Variants in CYBRD1 observed in about 807,000 individuals in gnomAD.
CYBRD1 encodes the protein plasma membrane ascorbate-dependent reductase CYBRD1.
CYBRD1 carries 14 observed loss-of-function variants against 21.9 expected under a neutral mutation model. The ratio of observed to expected loss-of-function variants is 0.64; its 90% CI spans 0.42 to 1.00. The LOEUF is 1.00. CYBRD1 is among the 50% of genes least tolerant of loss of function. The pLI, the probability that CYBRD1 is intolerant of heterozygous loss-of-function variation, is 0.00. For synonymous variants in CYBRD1, 146 were observed against 136.5 expected, an observed-to-expected ratio of 1.07 and a Z score of -0.48; for missense variants, 328 against 352.5, an observed-to-expected ratio of 0.93 and a Z score of 0.56.
chr2:171,526,754 A>G (rs925452500), intron 1 of CYBRD1, among the ~76,000 whole-genome samples: 1 of 152,232 alleles, frequency 6.6e-6, no homozygotes, highest in Admixed American at 6.5e-5. Flanking sequence ...TAAAAGGTTC[A>G]GCAAGGTGGA....
chr2:171,543,859 T>C lies in CYBRD1; in HGVS notation c.402+2066T>C, dbSNP rs539345846. 2.6e-5 allele frequency among the ~76,000 whole-genome samples: 4 copies of C among 152,328 alleles called. No homozygotes were observed. In the East Asian group the frequency reaches 7.7e-4, roughly 29 times the overall value. On this transcript the variant is annotated intron_variant, in intron 2 of 3. Transcript: ENST00000321348. ...TAAATATGCCACAAATTTACTTACC[T>C]GTTCTCTTGCTATTTTCAGTTAGAA...
At chr2:171,542,244 A>G (rs947969264) in intron 2 of CYBRD1, among the ~76,000 whole-genome samples, 2 of 152,172 alleles carry the variant, frequency 1.3e-5, no homozygotes, top group Admixed American at 6.5e-5. Flanking sequence ...GAATTGCAGA[A>G]TTCACAGAAC....
At chr2:171,524,087 A>AGCTTT (rs1697350480) in intron 1 of CYBRD1, among the ~76,000 whole-genome samples, 1 of 152,172 alleles carries the variant, frequency 6.6e-6, no homozygotes, top group Admixed American at 6.5e-5. Context: ...TTAAACTTGT[A>AGCTTT]CTGCAGCTTT....
At chr2:171,541,342 G>A (rs1266676429) in intron 1 of CYBRD1, among the ~76,000 whole-genome samples, 4 of 152,080 alleles carry the variant, frequency 2.6e-5, no homozygotes, top group South Asian at 4.2e-4. Flanking sequence ...CCCTAGGACC[G>A]AGCCTGAGAG....
chr2:171,534,407 A>G (rs1697517113), intron 1 of CYBRD1, among the ~76,000 whole-genome samples: 1 of 152,218 alleles, frequency 6.6e-6, no homozygotes, highest in Non-Finnish European at 1.5e-5. Flanking sequence ...TCCGCTCTCC[A>G]GGCAGTTTTT....
chr2:171,532,875 A>ATGTGTGTGTGTGTG (rs10618404), intron 1 of CYBRD1, among the ~76,000 whole-genome samples: 3 of 147,404 alleles, frequency 2.0e-5, no homozygotes, highest in East Asian at 2.0e-4. Flanking sequence ...CCATTTCACG[A>ATGTGTGTGTGTGTG]TGTGTGTGTG....
At chr2:171,546,859 G>C (rs17554) in intron 2 of CYBRD1, among the ~76,000 whole-genome samples, 1 of 151,866 alleles carries the variant, frequency 6.6e-6, no homozygotes, top group African/African-American at 2.4e-5. Flanking sequence ...TGGTATTTGA[G>C]GAGTAGGGAG....
In CYBRD1 at chr2:171,554,985, T is replaced by C; in HGVS notation, c.*158T>C. On this transcript the variant is annotated 3_prime_UTR_variant, in exon 4 of 4. Coordinates refer to ENST00000321348, the MANE Select transcript of CYBRD1 (RefSeq NM_024843.4). Reference sequence around the variant, plus strand: ...GAAATAATTTGTATTGATTGAGGCCTATGAACTGACCTGAATTGGAAAGGA... The same window carrying C: ...GAAATAATTTGTATTGATTGAGGCCCATGAACTGACCTGAATTGGAAAGGA... The C allele has an allele frequency of 1.3e-5, 10 of 769,364 alleles. No individual in the cohort carries two copies. Among genetic ancestry groups the C allele is most frequent in the Non-Finnish European group, 2.1e-5 (10 of 472,606 alleles). The allele number at this position is 769,364 out of a possible 1,614,324, so 47.7% of individuals were successfully genotyped here.
chr2:171,549,777 T>G (rs1343296221), intron 2 of CYBRD1, among the ~76,000 whole-genome samples: 1 of 152,250 alleles, frequency 6.6e-6, no homozygotes, highest in Non-Finnish European at 1.5e-5. Context: ...CCTTAGCTCT[T>G]AAGAACTTCC....
intron 1 of CYBRD1, among the ~76,000 whole-genome samples, chr2:171,524,678 G>A (rs1697358965): frequency 6.6e-6 from 1 of 152,172 alleles, no homozygotes; most frequent in South Asian, 2.1e-4. Flanking sequence ...TCTTTTCAGT[G>A]ACCTTATCGT....
chr2:171,547,286 C>A (rs902496119), intron 2 of CYBRD1, among the ~76,000 whole-genome samples: 1 of 151,996 alleles, frequency 6.6e-6, no homozygotes, highest in African/African-American at 2.4e-5. Flanking sequence ...TGGCTTCCTT[C>A]CTAGGAGCCA....
Position 171,540,065 on chromosome 2 carries a change from G to A in CYBRD1, c.194-1520G>A, listed in dbSNP as rs190094678. Among the ~76,000 whole-genome samples the A allele has an allele frequency of 1.7e-3, 263 of 152,248 alleles. 4 individuals carry two copies. Among genetic ancestry groups the A allele is most frequent in the South Asian group, 0.013 (64 of 4,820 alleles). On this transcript the variant is annotated intron_variant, in intron 1 of 3. Transcript: ENST00000321348. ...TTAATTGGAGTTTGTTCTACATGCA[G>A]AATGATGAATCTTCTGTCTATGACA...
rs372829045 is a variant in CYBRD1 at position 171,531,622 on chromosome 2, A to T, written c.193+8884A>T. Among the ~76,000 whole-genome samples, 54 of 152,052 alleles carry T rather than the reference A, an allele frequency of 3.6e-4. 1 individual carries two copies. In the East Asian group the frequency reaches 8.0e-3, roughly 22 times the overall value. On this transcript the variant is annotated intron_variant, in intron 1 of 3. Transcript: ENST00000321348. ...CCGCACCGTCCCAGCTCAAATTATGATGGGGTTTTTTGTTGTTTTGTTTAG... is the reference window on the plus strand; with the variant it reads ...CCGCACCGTCCCAGCTCAAATTATGTTGGGGTTTTTTGTTGTTTTGTTTAG...
intron 1 of CYBRD1, among the ~76,000 whole-genome samples, chr2:171,523,600 C>T (rs1697343718): frequency 6.6e-6 from 1 of 152,320 alleles, no homozygotes; most frequent in Non-Finnish European, 1.5e-5. Flanking sequence ...GCTCGGGATG[C>T]CCCCGGCGCA....
rs76652088 is a variant in CYBRD1, at chr2:171,545,995, G to T, written c.402+4202G>T. 4.8e-3 allele frequency among the ~76,000 whole-genome samples: 728 copies of T among 152,104 alleles called. 13 individuals carry two copies. The highest frequency in any genetic ancestry group is 0.015 in the African/African-American group (639 of 41,478). Reference sequence around the variant, plus strand: ...ACTTGGGTGAGTTAAAAACATATTTGTCTCAAAATTCTCTTTTGCTGTCTG... The same window carrying T: ...ACTTGGGTGAGTTAAAAACATATTTTTCTCAAAATTCTCTTTTGCTGTCTG... On this transcript the variant is annotated intron_variant, in intron 2 of 3. Transcript: ENST00000321348.
At chr2:171,544,164 T>C (rs573759405) in intron 2 of CYBRD1, among the ~76,000 whole-genome samples, 6 of 152,360 alleles carry the variant, frequency 3.9e-5, no homozygotes, top group African/African-American at 1.4e-4. Flanking sequence ...TTGTGTTTTA[T>C]CTTCTAAGAC....
At chr2:171,524,587 T>C (rs1697357468) in intron 1 of CYBRD1, among the ~76,000 whole-genome samples, 1 of 152,208 alleles carries the variant, frequency 6.6e-6, no homozygotes, top group Admixed American at 6.5e-5. Flanking sequence ...GTCCACTAAG[T>C]GCATTATGTC....
intron 2 of CYBRD1, among the ~76,000 whole-genome samples, chr2:171,545,773 G>A (rs889331252): frequency 2.0e-5 from 3 of 151,934 alleles, no homozygotes; most frequent in Non-Finnish European, 4.4e-5. Flanking sequence ...AGTATACAAT[G>A]GGTAATGAAC....
In CYBRD1 at chr2:171,555,404, T is replaced by A. The variant is rs1414980222; in HGVS notation, c.*577T>A. The A allele has an allele frequency of 4.4e-5, 7 of 158,280 alleles. No homozygotes were observed. Among genetic ancestry groups the A allele is most frequent in the Non-Finnish European group, 9.7e-5 (7 of 72,004 alleles). The allele number at this position is 158,280 out of a possible 1,614,324, so 9.8% of individuals were successfully genotyped here. A position where few individuals can be genotyped will look rare whatever the true frequency, so the allele number is the denominator to read the frequency against. On this transcript the variant is annotated 3_prime_UTR_variant, in exon 4 of 4. Coordinates refer to ENST00000321348, the MANE Select transcript of CYBRD1 (RefSeq NM_024843.4). ...CCCCAGCTGGTTTGGGCTCAAATTG[T>A]CCCTGGAGACTAGGGTTTATGTTAG...
Sources: gnomAD v4.1 joint callset for allele counts (sites outside exome capture counted in the v4.1 genomes callset) on GRCh38, gnomAD v4.1.1 for gene constraint, MANE v1.5 for transcripts, NCBI Gene and HGNC (gene_info 2026-07-23, HGNC 2026-07-21) for gene names.